The following SGCG variants were observed in gnomAD, a reference collection of about 807,000 sequenced individuals.
SGCG encodes the protein sarcoglycan gamma.
In SGCG, 26 loss-of-function variants were observed where a neutral mutation model predicts 29.3. The observed-to-expected ratio is 0.89, with a 90% confidence interval of 0.65 to 1.23. SGCG has a LOEUF of 1.23. Ranked by LOEUF, SGCG falls within the 50% of genes most tolerant of loss-of-function variation. The pLI is 0.00. For synonymous variants in SGCG, 145 were observed against 129.7 expected, an observed-to-expected ratio of 1.12 and a Z score of -0.80; for missense variants, 353 against 356.0, an observed-to-expected ratio of 0.99 and a Z score of 0.07.
At chr13:23,211,486 C>G (rs530249548) in intron 2 of SGCG, among the ~76,000 whole-genome samples, 9 of 151,930 alleles carry the variant, frequency 5.9e-5, no homozygotes, top group African/African-American at 2.2e-4. Flanking sequence ...GCTTGACCCC[C>G]CCTTTCACCA....
chr13:23,184,299 T>G (rs896029214), intron 1 of SGCG, among the ~76,000 whole-genome samples: 4 of 152,202 alleles, frequency 2.6e-5, no homozygotes, highest in Non-Finnish European at 5.9e-5. Flanking sequence ...AAATTTTAAT[T>G]TAATATTGTG....
At chr13:23,312,379 G>A (rs1356236614) in intron 6 of SGCG, among the ~76,000 whole-genome samples, 7 of 152,146 alleles carry the variant, frequency 4.6e-5, no homozygotes, top group Non-Finnish European at 2.9e-5. Context: ...ACTAGAAAGG[G>A]ACTAAATTTT....
At chr13:23,229,646 T>C (rs1243666279) in intron 2 of SGCG, among the ~76,000 whole-genome samples, 1 of 152,176 alleles carries the variant, frequency 6.6e-6, no homozygotes, top group African/African-American at 2.4e-5. Context: ...TTGTTCTTCA[T>C]TTGTATGTTT....
chr13:23,227,250 G>T (rs1438015558), intron 2 of SGCG, among the ~76,000 whole-genome samples: 2 of 149,332 alleles, frequency 1.3e-5, no homozygotes, highest in East Asian at 3.9e-4. Context: ...TCATTTGGAT[G>T]AATTCTTTTA....
chr13:23,170,229 AT>A, the SGCG span, among the ~76,000 whole-genome samples: 2 of 152,190 alleles, frequency 1.3e-5, no homozygotes, highest in African/African-American at 4.8e-5. Flanking sequence ...TATTTCTTTC[AT>A]GTTAAGGAAC....
At chr13:23,168,914 T>C in the SGCG span, among the ~76,000 whole-genome samples, 1,912 of 152,222 alleles carry the variant, frequency 0.013, 40 homozygotes, top group African/African-American at 0.043. Flanking sequence ...GTAATATGGT[T>C]TAATTTGCAT....
the SGCG span, among the ~76,000 whole-genome samples, chr13:23,173,802 A>C: frequency 6.6e-6 from 1 of 152,344 alleles, no homozygotes; most frequent in South Asian, 2.1e-4. Context: ...ATAAAATGTC[A>C]GATGAATGTA....
Position 23,237,911 on chromosome 13 carries a change from T to A in SGCG, c.297+3199T>A, listed in dbSNP as rs143748740. 7.7e-3 allele frequency among the ~76,000 whole-genome samples: 1,163 copies of A among 151,928 alleles called. 9 individuals carry two copies. Among genetic ancestry groups the A allele is most frequent in the Middle Eastern group, 0.037 (11 of 294 alleles). ...AACACACTTAAGATTCTCAAAGAGA[T>A]AAAGCTATTTTTAAAGGAGTTTTCC... is the stretch of plus-strand genomic sequence containing the variant. On this transcript the variant is annotated intron_variant, in intron 3 of 7. Transcript: ENST00000218867.
intron 6 of SGCG, among the ~76,000 whole-genome samples, chr13:23,299,931 G>A (rs1882088238): frequency 6.6e-6 from 1 of 152,140 alleles, no homozygotes; most frequent in Non-Finnish European, 1.5e-5. Flanking sequence ...ACCTCAATGA[G>A]TTTACAGTCT....
At chr13:23,164,437 A>C in the SGCG span, among the ~76,000 whole-genome samples, 1 of 152,182 alleles carries the variant, frequency 6.6e-6, no homozygotes, top group Non-Finnish European at 1.5e-5. Context: ...TTAACACGGA[A>C]GGAAACTGGG....
chr13:23,232,198 A>C (rs984020279), intron 2 of SGCG, among the ~76,000 whole-genome samples: 1 of 151,978 alleles, frequency 6.6e-6, no homozygotes, highest in African/African-American at 2.4e-5. Flanking sequence ...TGGGGCTTCC[A>C]CATGCACACT....
In SGCG at chr13:23,219,863, G is replaced by A. The variant is rs111522967; in HGVS notation, c.196-14748G>A. On this transcript the variant is annotated intron_variant, in intron 2 of 7. Coordinates refer to ENST00000218867, the MANE Select transcript of SGCG (RefSeq NM_000231.3). ...TTTTTTTTTTTTGAGACGGAGTCTCGCTCTGTCGCCCAGGCTGGATGGAGT... is the reference window on the plus strand; with the variant it reads ...TTTTTTTTTTTTGAGACGGAGTCTCACTCTGTCGCCCAGGCTGGATGGAGT... Among the ~76,000 whole-genome samples the A allele has an allele frequency of 2.5e-5, 3 of 119,520 alleles. No homozygotes were observed. The Admixed American group carries it at 3.8e-4, about 15-fold the overall frequency. The allele number at this position is 119,520 out of a possible 152,430, so 78.4% of individuals were successfully genotyped here. A position where few individuals can be genotyped will look rare whatever the true frequency, so the allele number is the denominator to read the frequency against.
At chr13:23,284,896 C>T (rs921151050) in intron 5 of SGCG, among the ~76,000 whole-genome samples, 4 of 152,154 alleles carry the variant, frequency 2.6e-5, no homozygotes, top group Admixed American at 2.0e-4. Flanking sequence ...GTTTGCTGGA[C>T]GTCCACTCCA....
At chr13:23,307,481 A>G (rs1486547392) in intron 6 of SGCG, among the ~76,000 whole-genome samples, 1 of 152,228 alleles carries the variant, frequency 6.6e-6, no homozygotes, top group Non-Finnish European at 1.5e-5. Context: ...TACAGAAATA[A>G]TGAAATCCCA....
chr13:23,254,700 AT>A (rs1450176486), intron 4 of SGCG, among the ~76,000 whole-genome samples: 1 of 152,166 alleles, frequency 6.6e-6, no homozygotes, highest in East Asian at 1.9e-4. Context: ...CCCTGAAGAC[AT>A]TTCAGAGATC....
chr13:23,199,371 C>T (rs1363848142), intron 1 of SGCG, among the ~76,000 whole-genome samples: 1 of 152,162 alleles, frequency 6.6e-6, no homozygotes, highest in African/African-American at 2.4e-5. Flanking sequence ...CAATTTCTTG[C>T]TGACATGAAT....
chr13:23,303,735 A>T (rs1593100923), intron 6 of SGCG, among the ~76,000 whole-genome samples: 1 of 152,288 alleles, frequency 6.6e-6, no homozygotes, highest in East Asian at 1.9e-4. Context: ...ATTGTTGGAG[A>T]TATAGCTCCA....
At chr13:23,258,564 G>A (rs1174426282) in intron 4 of SGCG, among the ~76,000 whole-genome samples, 1 of 152,070 alleles carries the variant, frequency 6.6e-6, no homozygotes, top group African/African-American at 2.4e-5. Context: ...GATTACCCTG[G>A]CCAGAACTTC....
At chr13:23,163,401 C>A in the SGCG span, among the ~76,000 whole-genome samples, 1 of 152,142 alleles carries the variant, frequency 6.6e-6, no homozygotes, top group Non-Finnish European at 1.5e-5. Flanking sequence ...AGTTACAGAT[C>A]TGCTGTCTAG....
Sources: allele counts gnomAD v4.1 joint callset (sites outside exome capture counted in the v4.1 genomes callset), GRCh38; gene constraint gnomAD v4.1.1; transcripts MANE v1.5; gene names NCBI Gene and HGNC (gene_info 2026-07-23, HGNC 2026-07-21).